Variants in EIF2B3 observed in about 807,000 individuals in gnomAD.
The protein encoded by EIF2B3 is translation initiation factor eIF2B subunit gamma.
EIF2B3 carries 20 observed loss-of-function variants against 54.1 expected under a neutral mutation model. The observed-to-expected ratio is 0.37, with a 90% CI of 0.26 to 0.54. The LOEUF is 0.54. Ranked by LOEUF, EIF2B3 falls within the 20% of genes least tolerant of loss-of-function variation. The probability of loss-of-function intolerance (pLI) is 0.86; values close to 1 mark genes in which losing one functional copy is unlikely to be tolerated. For synonymous variants in EIF2B3, 153 were observed against 188.1 expected (o/e 0.81, Z 1.52); for missense variants, 448 against 547.8 (o/e 0.82, Z 1.82).
At position 44,851,069 on chromosome 1, in the gene EIF2B3, C is replaced by CA. The variant is rs1011888049; in HGVS notation, c.1307-67_1307-66insT. On this transcript the variant is annotated intron_variant, in intron 11 of 11. Transcript: ENST00000360403. ...CAAGATGACATTTCAAACCCAACTG[C>CA]TTTTTTTTTTTGGAGACCGAGTTTC... 4.0e-6 allele frequency: 5 copies of CA among 1,265,262 alleles called. No homozygotes were observed. The African/African-American group carries it at 4.6e-5, about 12-fold the overall frequency. The allele number at this position is 1,265,262 out of a possible 1,614,324, so 78.4% of individuals were successfully genotyped here.
chr1:44,977,035 T>C (rs936119135), intron 3 of EIF2B3, among the ~76,000 whole-genome samples: 33 of 152,248 alleles, frequency 2.2e-4, no homozygotes, highest in African/African-American at 7.5e-4. Context: ...GAAAGCCATG[T>C]ACATATTTGC....
At chr1:44,857,169 C>A (rs916603261) in intron 11 of EIF2B3, among the ~76,000 whole-genome samples, 16 of 152,110 alleles carry the variant, frequency 1.1e-4, no homozygotes, top group South Asian at 8.3e-4. Flanking sequence ...ATTAAGGGTG[C>A]ATACATGTAT....
chr1:44,928,346 C>T (rs543432796), intron 4 of EIF2B3, among the ~76,000 whole-genome samples: 1 of 152,200 alleles, frequency 6.6e-6, no homozygotes, highest in African/African-American at 2.4e-5. Flanking sequence ...ACTTGGGAGG[C>T]TGAGGCAGGA....
chr1:44,964,267 T>C (rs1407470763), intron 3 of EIF2B3, among the ~76,000 whole-genome samples: 1 of 152,146 alleles, frequency 6.6e-6, no homozygotes, highest in Non-Finnish European at 1.5e-5. Flanking sequence ...TAAGCAACCA[T>C]GGCCCACCAA....
chr1:44,896,192 A>AAT (rs1347708695), intron 6 of EIF2B3, among the ~76,000 whole-genome samples: 1 of 152,232 alleles, frequency 6.6e-6, no homozygotes, highest in Non-Finnish European at 1.5e-5. Context: ...ATGGGTGCTT[A>AAT]ATAAGTATGT....
At chr1:44,854,715 G>A (rs540318495) in intron 11 of EIF2B3, among the ~76,000 whole-genome samples, 1 of 151,214 alleles carries the variant, frequency 6.6e-6, no homozygotes, top group African/African-American at 2.4e-5. Context: ...AGCCTTCCAA[G>A]TAGCTGGGAT....
chr1:44,918,934 G>A lies in EIF2B3; in HGVS notation c.566+7694C>T, dbSNP rs1234810829. On this transcript the variant is annotated intron_variant, in intron 5 of 11. Transcript: ENST00000360403. Reference sequence around the variant, plus strand: ...TTAGCTATTTACTATAGAAAAGGACGATTTCACTCTTTTATTCCCTCATGC... The same window carrying A: ...TTAGCTATTTACTATAGAAAAGGACAATTTCACTCTTTTATTCCCTCATGC... Among the ~76,000 whole-genome samples the A allele has an allele frequency of 2.6e-5, 4 of 152,128 alleles. No individual in the cohort carries two copies. The South Asian group carries it at 6.2e-4, about 24-fold the overall frequency.
intron 3 of EIF2B3, among the ~76,000 whole-genome samples, chr1:44,969,726 T>C (rs1644381597): frequency 6.6e-6 from 1 of 152,328 alleles, no homozygotes; most frequent in South Asian, 2.1e-4. Flanking sequence ...TGTTGATTAC[T>C]TTTGTACAAG....
chr1:44,907,871 C>T (rs1643444534), intron 5 of EIF2B3, among the ~76,000 whole-genome samples: 1 of 100,936 alleles, frequency 9.9e-6, no homozygotes, highest in African/African-American at 4.0e-5. Flanking sequence ...GTCTGGGCAA[C>T]AAGAGCGAAA....
chr1:44,958,629 G>C, intron 3 of EIF2B3: 1 of 1,551,786 alleles, frequency 6.4e-7, no homozygotes, highest in Admixed American at 1.7e-5. Flanking sequence ...CTATGCATGG[G>C]TCACTGCCTG....
intron 4 of EIF2B3, among the ~76,000 whole-genome samples, chr1:44,933,902 C>T (rs1643919263): frequency 6.6e-6 from 1 of 151,800 alleles, no homozygotes; most frequent in African/African-American, 2.4e-5. Flanking sequence ...GCGGGAAGAT[C>T]ACCTGAGGTT....
At chr1:44,899,630 C>T (rs1454130095) in intron 5 of EIF2B3, among the ~76,000 whole-genome samples, 1 of 152,144 alleles carries the variant, frequency 6.6e-6, no homozygotes, top group East Asian at 1.9e-4. Flanking sequence ...TGAGATACCA[C>T]CTCATGCCAG....
chr1:44,919,853 A>T (rs1168551556), intron 5 of EIF2B3, among the ~76,000 whole-genome samples: 2 of 143,464 alleles, frequency 1.4e-5, no homozygotes, highest in African/African-American at 2.6e-5. Context: ...AGTAGCTGGG[A>T]TTACACGCAT....
At chr1:44,960,336 T>G (rs546010193) in intron 3 of EIF2B3, among the ~76,000 whole-genome samples, 6 of 152,164 alleles carry the variant, frequency 3.9e-5, no homozygotes, top group African/African-American at 1.4e-4. Context: ...TAAAAACTAA[T>G]ACTGTTTAAA....
At chr1:44,899,519 A>G (rs991913280) in intron 5 of EIF2B3, among the ~76,000 whole-genome samples, 6 of 152,202 alleles carry the variant, frequency 3.9e-5, no homozygotes, top group Admixed American at 6.5e-5. Flanking sequence ...CAAAGGACAT[A>G]AACAGACACT....
chr1:44,904,720 A>G (rs1643381811), intron 5 of EIF2B3, among the ~76,000 whole-genome samples: 1 of 152,074 alleles, frequency 6.6e-6, no homozygotes, highest in Non-Finnish European at 1.5e-5. Flanking sequence ...TCACCGTGTT[A>G]GCCAGGATGG....
intron 6 of EIF2B3, among the ~76,000 whole-genome samples, chr1:44,887,862 C>A (rs1483684381): frequency 6.6e-6 from 1 of 152,080 alleles, no homozygotes; most frequent in African/African-American, 2.4e-5. Flanking sequence ...GGCATTACTG[C>A]ATTCCAGCCT....
intron 5 of EIF2B3, among the ~76,000 whole-genome samples, chr1:44,900,008 A>C (rs1393278429): frequency 6.6e-6 from 1 of 152,246 alleles, no homozygotes; most frequent in African/African-American, 2.4e-5. Context: ...AGCTATAAAA[A>C]AGAACAAAAT....
chr1:44,952,502 T>G (rs1644176180), intron 3 of EIF2B3, among the ~76,000 whole-genome samples: 1 of 151,906 alleles, frequency 6.6e-6, no homozygotes, highest in Admixed American at 6.6e-5. Context: ...TTAATCTATA[T>G]GCATTACATA....
Sources: allele counts gnomAD v4.1 joint callset (sites outside exome capture counted in the v4.1 genomes callset), GRCh38; gene constraint gnomAD v4.1.1; transcripts MANE v1.5; gene names NCBI Gene and HGNC (gene_info 2026-07-23, HGNC 2026-07-21).